Variants in CACNA1H observed in about 807,000 individuals in gnomAD.
CACNA1H encodes voltage-dependent T-type calcium channel subunit alpha-1H.
In CACNA1H, 149 loss-of-function variants were observed where a neutral mutation model predicts 192.5. The ratio of observed to expected loss-of-function variants is 0.77; its 90% CI spans 0.68 to 0.89. The LOEUF is 0.89. Among genes scored for constraint, CACNA1H ranks in the 40% least tolerant of loss-of-function variants. The pLI, the probability that CACNA1H is intolerant of heterozygous loss-of-function variation, is 0.00. For synonymous variants in CACNA1H, 2,202 were observed against 1,475.2 expected, an observed-to-expected ratio of 1.49 and a Z score of -11.29; for missense variants, 4,257 against 3,423.5, an observed-to-expected ratio of 1.24 and a Z score of -6.08.
chr16:1,172,719 TG>T (rs1964491842), intron 2 of CACNA1H, among the ~76,000 whole-genome samples: 2 of 151,754 alleles, frequency 1.3e-5, no homozygotes, highest in Non-Finnish European at 2.9e-5. Context: ...GGGAGGTGCA[TG>T]GGGTGAGCTG....
rs1191895571 is a variant in CACNA1H, at chr16:1,207,023, G to A, written c.2812G>A (p.Gly938Ser). 7 of 1,594,684 alleles carry A rather than the reference G, an allele frequency of 4.4e-6. No homozygotes were observed. Among genetic ancestry groups the A allele is most frequent in the South Asian group, 1.1e-5 (1 of 88,096 alleles). Residue 938 changes from glycine to serine, a missense_variant, in exon 13 of 35, where the codon GGC becomes AGC. Physicochemically the swap from Gly to Ser is moderately conservative, Grantham distance 56. Coordinates refer to ENST00000348261, the MANE Select transcript of CACNA1H (RefSeq NM_021098.3). ...CAGCATCCTGGGCATGCACCTTTTCGGCTGCAAGTTCAGCCTGAAGACAGA... is the reference window on the plus strand; with the variant it reads ...CAGCATCCTGGGCATGCACCTTTTCAGCTGCAAGTTCAGCCTGAAGACAGA... The part of the protein sequence containing the change: ...IFSILGMHLF[G>S]CKFSLKTDTG...
intron 14 of CACNA1H, 65 bp from the exon 15 acceptor site, chr16:1,207,705 G>A (rs1968906174): frequency 7.1e-7 from 1 of 1,406,898 alleles, no homozygotes; most frequent in Non-Finnish European, 9.8e-7. Flanking sequence ...CCAGACTTCT[G>A]TCCGGCATGA....
intron 2 of CACNA1H, among the ~76,000 whole-genome samples, chr16:1,185,484 C>A (rs558768182): frequency 6.7e-6 from 1 of 149,682 alleles, no homozygotes; most frequent in Admixed American, 6.6e-5. Flanking sequence ...CCCACATGGA[C>A]GCTGCCATCT....
intron 2 of CACNA1H, among the ~76,000 whole-genome samples, chr16:1,193,378 C>A (rs1018162256): frequency 1.3e-5 from 2 of 152,250 alleles, no homozygotes; most frequent in Non-Finnish European, 2.9e-5. Context: ...CCTGGCACGG[C>A]TTCCACAGCA....
In CACNA1H at chr16:1,204,268, C is replaced by G. The variant is rs1968374924; in HGVS notation, c.2261C>G (p.Pro754Arg). 1 of 1,608,774 alleles carries G rather than the reference C, an allele frequency of 6.2e-7. No homozygotes were observed. Among genetic ancestry groups the G allele is most frequent in the Non-Finnish European group, 8.5e-7 (1 of 1,177,910 alleles). The change falls in exon 10 of 35, where the codon CCA (proline) becomes CGA (arginine). Residue 754 changes from proline (P) to arginine (R), a missense_variant. Transcript: ENST00000348261. ...CCCCGTGCGACGGACACACCAGGCC[C>G]AGGCCCAGGCAGCCCCCAGCGGCGG... is the stretch of plus-strand genomic sequence containing the variant. ...RPPRATDTPG[P>R]GPGSPQRRAQ...
In CACNA1H at chr16:1,212,531, A is replaced by T; in HGVS notation, c.4777+3A>T. On this transcript the variant is annotated splice_donor_region_variant and intron_variant, in intron 26 of 34. Coordinates refer to ENST00000348261, the MANE Select transcript of CACNA1H (RefSeq NM_021098.3). ...TCCAGGCACTTTCCCCAGCCCAGGT[A>T]CCGGCCCTGTCCCGCATGCCTCAGG... 1 of 1,610,468 alleles carries T rather than the reference A, an allele frequency of 6.2e-7. No individual in the cohort carries two copies. The highest frequency in any genetic ancestry group is 2.2e-5 in the East Asian group (1 of 44,740).
intron 2 of CACNA1H, among the ~76,000 whole-genome samples, chr16:1,181,361 C>T (rs893393832): frequency 1.3e-5 from 2 of 152,268 alleles, no homozygotes; most frequent in Non-Finnish European, 2.9e-5. Flanking sequence ...GGACAGCTGC[C>T]GAGCCCCCGG....
Position 1,154,009 on chromosome 16 carries a change from G to A in CACNA1H, c.272G>A (p.Ser91Asn). 2.1e-6 allele frequency: 3 copies of A among 1,412,482 alleles called. No individual in the cohort carries two copies. Among genetic ancestry groups the A allele is most frequent in the Non-Finnish European group, 2.8e-6 (3 of 1,080,316 alleles). 87.5% of individuals were successfully genotyped at this position (1,412,482 alleles called of 1,614,324 possible). A position where few individuals can be genotyped will look rare whatever the true frequency, so the allele number is the denominator to read the frequency against. Residue 91 changes from serine (S) to asparagine (N), a missense_variant, in exon 2 of 35, where the codon AGC becomes AAC. Physicochemically the swap from Ser to Asn is conservative, Grantham distance 46. Transcript: ENST00000348261. Reference protein sequence around the residue: ...FCLGQTTRPRSWCLRLVCNPW... With the variant: ...FCLGQTTRPRNWCLRLVCNPW... ...CTCGGTCAGACCACGCGGCCGCGCA[G>A]CTGGTGCCTCCGGCTGGTCTGCAAC... is the stretch of plus-strand genomic sequence containing the variant.
chr16:1,199,391 T>C (rs1596396951), intron 6 of CACNA1H, among the ~76,000 whole-genome samples: 2 of 6,148 alleles, frequency 3.3e-4, no homozygotes, highest in Non-Finnish European at 5.4e-4. Flanking sequence ...CCGCCCACGG[T>C]GCGGTCGCTG....
At chr16:1,217,492 G>C (rs1356930172) in intron 31 of CACNA1H, among the ~76,000 whole-genome samples, 16 of 151,954 alleles carry the variant, frequency 1.1e-4, no homozygotes, top group Non-Finnish European at 1.2e-4. Flanking sequence ...CCCTGCCCCT[G>C]CCGGGTTCCA....
chr16:1,200,681 T>A, intron 7 of CACNA1H, 35 bp from the exon 8 acceptor site: 1 of 1,562,470 alleles, frequency 6.4e-7, no homozygotes. Flanking sequence ...GGAGGAGGGG[T>A]CGTGCGGGCC....
At position 1,209,408 on chromosome 16, in the gene CACNA1H, A is replaced by G; in HGVS notation, c.3740A>G (p.Glu1247Gly). 1 of 1,597,174 alleles carries G rather than the reference A, an allele frequency of 6.3e-7. No homozygotes were observed. Among genetic ancestry groups the G allele is most frequent in the Non-Finnish European group, 8.5e-7 (1 of 1,179,228 alleles). ...GCAGCCGAGCTTGACGACGACTCGG[A>G]GGACGTGAGTGCGTGGCCCTGGGCC... ...EDAAELDDDS[E>G]DSCCLRLHKV... Residue 1247 changes from glutamate to glycine, a missense_variant, in exon 17 of 35, where the codon GAG becomes GGG. Glu to Gly is a moderately conservative substitution (Grantham distance 98). Coordinates refer to ENST00000348261, the MANE Select transcript of CACNA1H (RefSeq NM_021098.3).
chr16:1,174,839 C>T (rs972399323), intron 2 of CACNA1H, among the ~76,000 whole-genome samples: 1 of 152,138 alleles, frequency 6.6e-6, no homozygotes, highest in African/African-American at 2.4e-5. Context: ...GCCCTGGCCT[C>T]GAGGCTCCCC....
chr16:1,212,424 G>C lies in CACNA1H; in HGVS notation c.4760-87G>C, dbSNP rs528570554. The C allele has an allele frequency of 6.4e-5, 89 of 1,384,806 alleles. No individual in the cohort carries two copies. In the African/African-American group the frequency reaches 1.1e-3, roughly 17 times the overall value. The allele number at this position is 1,384,806 out of a possible 1,614,324, so 85.8% of individuals were successfully genotyped here. A position where few individuals can be genotyped will look rare whatever the true frequency, so the allele number is the denominator to read the frequency against. ...CACGAGGAGCCAGCACAGCCCCCGA[G>C]ACACGGGGGCTGAGGGAGAGCAGGG... On this transcript the variant is annotated intron_variant, in intron 25 of 34. Transcript: ENST00000348261.
intron 13 of CACNA1H, 32 bp from the exon 14 acceptor site, chr16:1,207,243 G>T: frequency 1.9e-6 from 3 of 1,580,310 alleles, no homozygotes; most frequent in South Asian, 1.1e-5. Flanking sequence ...CGGGGCTGGG[G>T]TGACCACCCC....
chr16:1,218,294 G>C lies in CACNA1H; in HGVS notation c.5530G>C (p.Val1844Leu). 6.4e-7 allele frequency: 1 copy of C among 1,554,018 alleles called. No homozygotes were observed. Among genetic ancestry groups the C allele is most frequent in the Non-Finnish European group, 8.7e-7 (1 of 1,149,050 alleles). ...ALSPVYFVTF[V>L]LVAQFVLVNV... is the part of the protein sequence containing the mutation. Reference sequence around the variant, plus strand: ...GTCGCCCGTCTACTTCGTGACCTTCGTGCTGGTGGCCCAGTTCGTGCTGGT... The same window carrying C: ...GTCGCCCGTCTACTTCGTGACCTTCCTGCTGGTGGCCCAGTTCGTGCTGGT... The change falls in exon 33 of 35, where the codon GTG becomes CTG. Residue 1844 changes from valine (V) to leucine (L), a missense_variant. By Grantham distance (32) the Val-to-Leu change is conservative. Coordinates refer to ENST00000348261, the MANE Select transcript of CACNA1H (RefSeq NM_021098.3).
At position 1,202,300 on chromosome 16, in the gene CACNA1H, T is replaced by C. The variant is rs1433856447; in HGVS notation, c.1850T>C (p.Leu617Pro). Residue 617 changes from leucine (L) to proline (P), a missense_variant, in exon 9 of 35, where the codon CTG becomes CCG. Coordinates refer to ENST00000348261, the MANE Select transcript of CACNA1H (RefSeq NM_021098.3). ...GGCACCATGAACTACCCCACGATCCTGCCCTCAGGGGTGGGCAGCGGCAAA... is the reference window on the plus strand; with the variant it reads ...GGCACCATGAACTACCCCACGATCCCGCCCTCAGGGGTGGGCAGCGGCAAA... ...GLGTMNYPTI[L>P]PSGVGSGKGS... The C allele has an allele frequency of 2.5e-6, 4 of 1,585,354 alleles. No homozygotes were observed. The highest frequency in any genetic ancestry group is 3.4e-6 in the Non-Finnish European group (4 of 1,167,990).
At chr16:1,194,706 C>T (rs1966848628) in intron 2 of CACNA1H, among the ~76,000 whole-genome samples, 1 of 152,204 alleles carries the variant, frequency 6.6e-6, no homozygotes, top group African/African-American at 2.4e-5. Flanking sequence ...CTGCACCCCG[C>T]TTTCCTGATG....
chr16:1,163,056 G>C (rs1456347449), intron 2 of CACNA1H, among the ~76,000 whole-genome samples: 5 of 152,260 alleles, frequency 3.3e-5, no homozygotes, highest in Non-Finnish European at 5.9e-5. Flanking sequence ...CTCTGTGTTT[G>C]CTGTGTGTCC....
Sources: allele counts gnomAD v4.1 joint callset (sites outside exome capture counted in the v4.1 genomes callset), GRCh38; gene constraint gnomAD v4.1.1; transcripts MANE v1.5; gene names NCBI Gene and HGNC (gene_info 2026-07-23, HGNC 2026-07-21).